Variants in ZNF263 observed in about 807,000 individuals in gnomAD.
ZNF263 encodes zinc finger protein FPM315.
Under a neutral mutation model 63.1 loss-of-function variants are expected in ZNF263, and 49 were observed. The ratio of observed to expected loss-of-function variants is 0.78; its 90% CI spans 0.62 to 0.99. The LOEUF is 0.99. ZNF263 is among the 50% of genes least tolerant of loss of function. The pLI is 0.00. For synonymous variants in ZNF263, 352 were observed against 324.2 expected, an observed-to-expected ratio of 1.09 and a Z score of -0.92; for missense variants, 872 against 854.8, an observed-to-expected ratio of 1.02 and a Z score of -0.25.
Position 3,289,474 on chromosome 16 carries a change from A to G in ZNF263, c.968A>G (p.Gln323Arg), listed in dbSNP as rs747654211. Residue 323 changes from glutamine to arginine, a missense_variant, in exon 6 of 6, where the codon CAG becomes CGG. Physicochemically the swap from Gln to Arg is conservative, Grantham distance 43. Coordinates refer to ENST00000219069, the MANE Select transcript of ZNF263 (RefSeq NM_005741.5). ...NIHPQVLLPDQARGEVPWSPE... is the reference protein window; with the variant it reads ...NIHPQVLLPDRARGEVPWSPE... Reference sequence around the variant, plus strand: ...CACCCTCAGGTGCTGCTTCCTGACCAGGCCCGAGGGGAGGTGCCCTGGAGT... The same window carrying G: ...CACCCTCAGGTGCTGCTTCCTGACCGGGCCCGAGGGGAGGTGCCCTGGAGT... 6.5e-7 allele frequency: 1 copy of G among 1,539,908 alleles called. No homozygotes were observed. Among genetic ancestry groups the G allele is most frequent in the Non-Finnish European group, 8.7e-7 (1 of 1,146,122 alleles).
In ZNF263 at chr16:3,290,957, G is replaced by A; in HGVS notation, c.*399G>A. The A allele has an allele frequency of 1.0e-6, 1 of 1,000,934 alleles. No individual in the cohort carries two copies. The highest frequency in any genetic ancestry group is 1.2e-6 in the Non-Finnish European group (1 of 837,802). 62.0% of individuals were successfully genotyped at this position (1,000,934 alleles called of 1,614,324 possible). ...TGGGACATTCAGTAGGAGCATTTGGGCTTCCGGGGCCCCTGAGACCAAAGA... is the reference window on the plus strand; with the variant it reads ...TGGGACATTCAGTAGGAGCATTTGGACTTCCGGGGCCCCTGAGACCAAAGA... On this transcript the variant is annotated 3_prime_UTR_variant, in exon 6 of 6. Transcript: ENST00000219069.
At chr16:3,299,127 C>A (rs534783376) in exon 2 of ZNF263, 13 of 1,470,730 alleles carry the variant, frequency 8.8e-6, no homozygotes, top group African/African-American at 8.7e-5. Flanking sequence ...ATCTCTGAAA[C>A]TCAGGTGTGG....
At position 3,299,718 on chromosome 16, in the gene ZNF263, C is replaced by T. The variant is rs927148740; in HGVS notation, c.*46+562C>T. 3.9e-6 allele frequency: 6 copies of T among 1,534,910 alleles called. 1 individual carries two copies. The South Asian group carries it at 3.9e-5, about 10-fold the overall frequency. On this transcript the variant is annotated intron_variant, in intron 2 of 2. Coordinates refer to the ZNF263 transcript ENST00000574674. ...TTAGGGATTCAGAGGAAGGATGAGC[C>T]GGGCAACTGTCCAGAAGTAACAATG...
intron 2 of ZNF263, chr16:3,299,560 A>C: frequency 1.3e-6 from 2 of 1,532,926 alleles, no homozygotes; most frequent in Non-Finnish European, 1.7e-6. Context: ...TTCAAATATT[A>C]CAAGACTCTC....
At chr16:3,286,853 TTAA>T (rs1959377736) in intron 4 of ZNF263, 1 of 152,186 alleles carries the variant, frequency 6.6e-6, no homozygotes, top group African/African-American at 2.4e-5. Flanking sequence ...GAGAATTCTT[TTAA>T]TAAAAAGTTG....
exon 3 of ZNF263, chr16:3,301,013 T>C (rs1323516760): frequency 1.1e-5 from 2 of 180,886 alleles, no homozygotes; most frequent in Admixed American, 1.2e-4. Flanking sequence ...TGGAGCAAGA[T>C]GTGCCCACAA....
At position 3,283,750 on chromosome 16, in the gene ZNF263, C is replaced by T. The variant is rs913923895; in HGVS notation, c.-69C>T. On this transcript the variant is annotated 5_prime_UTR_variant, in exon 1 of 6. Transcript: ENST00000219069. ...CTCCTGCTGGCGCCGTCCAACCTTA[C>T]ATGGGTTCAGGGCGCCTTCGTAGGC... 7 of 1,464,848 alleles carry T rather than the reference C, an allele frequency of 4.8e-6. No homozygotes were observed. Among genetic ancestry groups the T allele is most frequent in the Non-Finnish European group, 9.0e-7 (1 of 1,113,302 alleles). The allele number at this position is 1,464,848 out of a possible 1,614,324, so 90.7% of individuals were successfully genotyped here.
At chr16:3,285,498 C>T (rs555932017) in intron 2 of ZNF263, among the ~76,000 whole-genome samples, 183 bp from the exon 3 acceptor site, 34 of 152,294 alleles carry the variant, frequency 2.2e-4, no homozygotes, top group Non-Finnish European at 4.1e-4. Flanking sequence ...TGGAGTGCTA[C>T]TCTTGGTACT....
chr16:3,299,263 A>G, intron 2 of ZNF263: 1 of 1,611,376 alleles, frequency 6.2e-7, no homozygotes, highest in Non-Finnish European at 8.5e-7. Flanking sequence ...TTTGGTTTTT[A>G]GGAGACAACC....
intron 2 of ZNF263, 113 bp from the exon 3 acceptor site, chr16:3,285,568 G>A (rs1567249765): frequency 2.7e-6 from 3 of 1,097,296 alleles, no homozygotes; most frequent in South Asian, 2.7e-5. Flanking sequence ...GCAGTTTAGC[G>A]TCATTCCCAA....
chr16:3,294,018 C>T (rs981749608), downstream of ZNF263, among the ~76,000 whole-genome samples: 6 of 152,296 alleles, frequency 3.9e-5, no homozygotes, highest in East Asian at 1.9e-4. Context: ...CTTCGCCTCC[C>T]GGGTTCACGC....
In ZNF263 at chr16:3,289,761, C is replaced by G. The variant is rs1959531174; in HGVS notation, c.1255C>G (p.Pro419Ala). The G allele has an allele frequency of 6.2e-7, 1 of 1,614,146 alleles. No individual in the cohort carries two copies. Among genetic ancestry groups the G allele is most frequent in the Non-Finnish European group, 8.5e-7 (1 of 1,180,020 alleles). ...VDCTEIFGGN[P>A]RFLSLHRAHL... ...CTGCACTGAAATCTTTGGTGGGAACCCACGTTTCCTGTCACTACACAGAGC... is the reference window on the plus strand; with the variant it reads ...CTGCACTGAAATCTTTGGTGGGAACGCACGTTTCCTGTCACTACACAGAGC... Residue 419 changes from proline (P) to alanine (A), a missense_variant, in exon 6 of 6, where the codon CCA becomes GCA. Pro to Ala is a conservative substitution (Grantham distance 27). Transcript: ENST00000219069.
chr16:3,292,509 A>G (rs751910852), downstream of ZNF263, among the ~76,000 whole-genome samples: 26 of 152,150 alleles, frequency 1.7e-4, no homozygotes, highest in Non-Finnish European at 2.6e-4. Context: ...ACTCCAGTGG[A>G]GCAGTGCAGG....
At chr16:3,294,127 A>G (rs1024670241), downstream of ZNF263, among the ~76,000 whole-genome samples, 44 of 152,146 alleles carry the variant, frequency 2.9e-4, no homozygotes, top group African/African-American at 9.4e-4. Context: ...GGGTTTCACC[A>G]TGTTAGCCAG....
downstream of ZNF263, among the ~76,000 whole-genome samples, chr16:3,291,628 C>G (rs921114373): frequency 1.3e-5 from 2 of 152,220 alleles, no homozygotes; most frequent in Admixed American, 6.5e-5. Flanking sequence ...GCCTGGCAGC[C>G]TCCAGGCTGG....
At chr16:3,286,339 G>A (rs1959358187) in intron 4 of ZNF263, 190 bp downstream of exon 4, 6 of 739,524 alleles carry the variant, frequency 8.1e-6, no homozygotes, top group South Asian at 7.2e-5. Context: ...CAGGCAGCCC[G>A]GGACTGGAGT....
Position 3,289,746 on chromosome 16 carries a change from A to G in ZNF263, c.1240A>G (p.Ile414Val), listed in dbSNP as rs764684677. The G allele has an allele frequency of 3.1e-6, 5 of 1,614,216 alleles. No homozygotes were observed. Among genetic ancestry groups the G allele is most frequent in the South Asian group, 2.2e-5 (2 of 91,090 alleles). The stretch of plus-strand genomic sequence containing the variant: ...GTGTATGGGTGTGGACTGCACTGAA[A>G]TCTTTGGTGGGAACCCACGTTTCCT... ...RLCMGVDCTE[I>V]FGGNPRFLSL... is the part of the protein sequence containing the mutation. The change falls in exon 6 of 6, where the codon ATC becomes GTC. Residue 414 changes from isoleucine (I) to valine (V), a missense_variant. Physicochemically the swap from Ile to Val is conservative, Grantham distance 29. Transcript: ENST00000219069.
chr16:3,289,529 G>T lies in ZNF263; in HGVS notation c.1023G>T (p.Ser341=). ...SPELGRPHDR[S]QGDWAPPPEG... is the part of the protein sequence containing the mutation. ...AGCTGGGAAGACCTCATGACCGGTC[G>T]CAAGGGGATTGGGCGCCTCCCCCAG... Residue 341 remains serine (S), a synonymous_variant, in exon 6 of 6, where the codon TCG becomes TCT. Transcript: ENST00000219069. 6.3e-7 allele frequency: 1 copy of T among 1,599,660 alleles called. No homozygotes were observed. The highest frequency in any genetic ancestry group is 8.5e-7 in the Non-Finnish European group (1 of 1,172,386).
rs753255365 is a variant in ZNF263, at chr16:3,291,043, C to G, written c.*485C>G. On this transcript the variant is annotated 3_prime_UTR_variant, in exon 6 of 6. Coordinates refer to ENST00000219069, the MANE Select transcript of ZNF263 (RefSeq NM_005741.5). ...TCAACAAAAGACTGGTTGTGAGTTG[C>G]AGCTGTCCCGAAGGCCCCAGTTGGG... 2.0e-6 allele frequency: 2 copies of G among 995,068 alleles called. No individual in the cohort carries two copies. Among genetic ancestry groups the G allele is most frequent in the Non-Finnish European group, 2.4e-6 (2 of 834,612 alleles). 61.6% of individuals were successfully genotyped at this position (995,068 alleles called of 1,614,324 possible).
Sources: allele counts gnomAD v4.1 joint callset (sites outside exome capture counted in the v4.1 genomes callset), GRCh38; gene constraint gnomAD v4.1.1; transcripts MANE v1.5; gene names NCBI Gene and HGNC (gene_info 2026-07-23, HGNC 2026-07-21).